Variants in HDAC8 observed in about 807,000 individuals in gnomAD.
HDAC8 encodes the protein histone deacetylase 8, also known as histone deacetylase-like 1.
In HDAC8, 1 loss-of-function variant was observed where a neutral mutation model predicts 32.2. That is an observed-to-expected ratio of 0.03 (90% CI 0.01 to 0.15). The LOEUF (loss-of-function observed/expected upper bound fraction) is 0.15, where lower values mean the gene tolerates loss of function less well. Among genes scored for constraint, HDAC8 ranks in the 10% least tolerant of loss-of-function variants. HDAC8 has a pLI of 1.00. For missense variants in HDAC8, 117 were observed against 300.0 expected (o/e 0.39, Z 4.51); for synonymous variants, 108 against 113.9 (o/e 0.95, Z 0.33).
chrX:72,412,472 A>G (rs782810823), intron 9 of HDAC8, among the ~76,000 whole-genome samples: 9 of 111,901 alleles, frequency 8.0e-5, no homozygotes, highest in Admixed American at 3.8e-4. Flanking sequence ...GTACAAGCTT[A>G]TAGGTATTCC....
At chrX:72,349,850 T>A (rs1159540444) in intron 10 of HDAC8, among the ~76,000 whole-genome samples, 3 of 111,192 alleles carry the variant, frequency 2.7e-5, no homozygotes, top group Admixed American at 9.6e-5. Flanking sequence ...CATATGGAGG[T>A]GTGAGCGAGT....
intron 2 of HDAC8, chrX:72,571,849 G>A (rs985623073): frequency 3.0e-5 from 11 of 361,523 alleles, no homozygotes; most frequent in South Asian, 6.5e-5. Flanking sequence ...GATTACAGGC[G>A]TGAGCCATGC....
At chrX:72,548,128 C>G (rs1487400447) in intron 4 of HDAC8, among the ~76,000 whole-genome samples, 2 of 111,729 alleles carry the variant, frequency 1.8e-5, no homozygotes, top group African/African-American at 3.3e-5. Context: ...AGTTATTTTC[C>G]TACAAACATC....
At chrX:72,572,599 G>T in intron 1 of HDAC8, 52 bp downstream of exon 1, 9 of 453,079 alleles carry the variant, frequency 2.0e-5, no homozygotes, top group South Asian at 1.2e-4. Context: ...TTCGTCCACC[G>T]CCCCCACCCC....
At chrX:72,541,562 C>G (rs1243179523) in intron 4 of HDAC8, among the ~76,000 whole-genome samples, 8 of 111,701 alleles carry the variant, frequency 7.2e-5, no homozygotes, top group African/African-American at 2.6e-4. Context: ...GTGTGGAGAA[C>G]AGACCAAAGG....
chrX:72,382,648 AC>A (rs781832401), intron 9 of HDAC8, among the ~76,000 whole-genome samples: 12 of 112,498 alleles, frequency 1.1e-4, no homozygotes, highest in Admixed American at 1.0e-3. Context: ...ATAAAAGACC[AC>A]ATATTGCAGG....
Position 72,360,404 on chromosome X carries a change from T to C in HDAC8, c.1006-8566A>G, listed in dbSNP as rs180825508. On this transcript the variant is annotated intron_variant, in intron 9 of 10. Transcript: ENST00000373573. ...GAGCTTCTGTCCAAATCCCTTTCTATAAAAATCCAAGCAGCTCTCACATTT... is the reference window on the plus strand; with the variant it reads ...GAGCTTCTGTCCAAATCCCTTTCTACAAAAATCCAAGCAGCTCTCACATTT... Among the ~76,000 whole-genome samples, 17 of 111,692 alleles carry C rather than the reference T, an allele frequency of 1.5e-4. No individual in the cohort carries two copies. The East Asian group carries it at 4.5e-3, about 29-fold the overall frequency.
chrX:72,352,081 G>T (rs782000181), intron 9 of HDAC8, among the ~76,000 whole-genome samples: 2 of 111,754 alleles, frequency 1.8e-5, no homozygotes, highest in Admixed American at 1.9e-4. Flanking sequence ...TCTCTGCTTA[G>T]GTCTCAACTT....
intron 4 of HDAC8, among the ~76,000 whole-genome samples, chrX:72,548,712 A>T (rs2050954717): frequency 9.1e-6 from 1 of 109,863 alleles, no homozygotes; most frequent in Non-Finnish European, 1.9e-5. Context: ...CTGAGACCAG[A>T]TCTTGCTCTG....
rs782360089 is a variant in HDAC8, at chrX:72,351,311, G to T, written c.1111+422C>A. 101 of 180,262 alleles carry T rather than the reference G, an allele frequency of 5.6e-4. 1 individual carries two copies. The highest frequency in any genetic ancestry group is 9.7e-4 in the Admixed American group (13 of 13,447). 14.9% of individuals were successfully genotyped at this position (180,262 alleles called of 1,213,427 possible). ...GATGGAATCTCGCTGTGTTGCTCAGGTTGGTTTTGAACTCCTGGGCTCAAG... is the reference window on the plus strand; with the variant it reads ...GATGGAATCTCGCTGTGTTGCTCAGTTTGGTTTTGAACTCCTGGGCTCAAG... On this transcript the variant is annotated intron_variant, in intron 10 of 10. Coordinates refer to ENST00000373573, the MANE Select transcript of HDAC8 (RefSeq NM_018486.3).
chrX:72,519,136 T>C (rs967784967), intron 4 of HDAC8, among the ~76,000 whole-genome samples: 1 of 112,659 alleles, frequency 8.9e-6, no homozygotes, highest in Non-Finnish European at 1.9e-5. Context: ...GGTTCATTCA[T>C]GTTGCATTCC....
intron 3 of HDAC8, among the ~76,000 whole-genome samples, chrX:72,568,276 T>C (rs2051877500): frequency 3.6e-5 from 4 of 112,179 alleles, no homozygotes; most frequent in South Asian, 3.7e-4. Flanking sequence ...AGGTGATGTG[T>C]CTTGTCAGTG....
intron 4 of HDAC8, among the ~76,000 whole-genome samples, chrX:72,530,240 T>C (rs979530592): frequency 8.9e-6 from 1 of 111,851 alleles, no homozygotes; most frequent in Admixed American, 9.5e-5. Context: ...CTGCCTACCA[T>C]AGGGCTGAGA....
chrX:72,484,684 T>C (rs913546887), intron 7 of HDAC8, among the ~76,000 whole-genome samples: 4 of 111,918 alleles, frequency 3.6e-5, no homozygotes, highest in Admixed American at 2.8e-4. Context: ...ACTTCACATA[T>C]GTCATGGAAG....
intron 4 of HDAC8, among the ~76,000 whole-genome samples, chrX:72,547,234 G>A (rs1211277448): frequency 1.8e-5 from 2 of 110,613 alleles, no homozygotes; most frequent in Non-Finnish European, 3.8e-5. Context: ...ACCTCTTTGT[G>A]GTACATTAAA....
chrX:72,450,323 G>A lies in HDAC8; in HGVS notation c.1005+11681C>T, dbSNP rs144503392. 4.0e-3 allele frequency among the ~76,000 whole-genome samples: 451 copies of A among 112,277 alleles called. 3 individuals carry two copies. Among genetic ancestry groups the A allele is most frequent in the African/African-American group, 0.014 (431 of 30,989 alleles). ...AAGGTCTCTGTGATAATGGAACAGCGCTGTATCCTGACGACGGTAGTAGTT... is the reference window on the plus strand; with the variant it reads ...AAGGTCTCTGTGATAATGGAACAGCACTGTATCCTGACGACGGTAGTAGTT... On this transcript the variant is annotated intron_variant, in intron 9 of 10. Coordinates refer to ENST00000373573, the MANE Select transcript of HDAC8 (RefSeq NM_018486.3).
At chrX:72,445,993 T>C (rs1235779657) in intron 9 of HDAC8, among the ~76,000 whole-genome samples, 4 of 112,093 alleles carry the variant, frequency 3.6e-5, no homozygotes, top group Non-Finnish European at 7.5e-5. Context: ...AGATACAATC[T>C]CACACCAGTT....
intron 7 of HDAC8, among the ~76,000 whole-genome samples, chrX:72,484,304 TG>T (rs1465233242): frequency 4.5e-5 from 5 of 112,168 alleles, no homozygotes; most frequent in African/African-American, 1.6e-4. Flanking sequence ...CTGGATGGGT[TG>T]GTAGCTCTAA....
intron 4 of HDAC8, among the ~76,000 whole-genome samples, chrX:72,515,633 T>G (rs2049781108): frequency 9.3e-6 from 1 of 107,519 alleles, no homozygotes; most frequent in African/African-American, 3.4e-5. Context: ...GATAAATAGG[T>G]AAGCAAACAA....
Sources: gnomAD v4.1 joint callset for allele counts (sites outside exome capture counted in the v4.1 genomes callset) on GRCh38, gnomAD v4.1.1 for gene constraint, MANE v1.5 for transcripts, NCBI Gene and HGNC (gene_info 2026-07-23, HGNC 2026-07-21) for gene names.